The following FAM193A variants were observed in gnomAD, a reference collection of about 807,000 sequenced individuals.
FAM193A encodes the protein protein FAM193A.
FAM193A carries 22 observed loss-of-function variants against 126.5 expected under a neutral mutation model. The ratio of observed to expected loss-of-function variants is 0.17; its 90% confidence interval spans 0.12 to 0.25. The LOEUF is 0.25. Among genes scored for constraint, FAM193A ranks in the 10% least tolerant of loss-of-function variants. FAM193A has a pLI of 1.00. For missense variants in FAM193A, 1,675 were observed against 1,672.8 expected (o/e 1.00, Z -0.02); for synonymous variants, 761 against 646.8 (o/e 1.18, Z -2.68).
At chr4:2,695,475 C>T (rs1223016090) in intron 17 of FAM193A, among the ~76,000 whole-genome samples, 1 of 152,196 alleles carries the variant, frequency 6.6e-6, no homozygotes, top group East Asian at 1.9e-4. Context: ...TGTTTGAATA[C>T]AGAGGGCGTT....
chr4:2,721,303 A>C, intron 20 of FAM193A, among the ~76,000 whole-genome samples: 2 of 118,772 alleles, frequency 1.7e-5, no homozygotes, highest in Non-Finnish European at 1.7e-5. Flanking sequence ...ACAGAGCAAG[A>C]CTCCGTCTCA....
At chr4:2,601,325 C>T (rs929414980) in intron 2 of FAM193A, among the ~76,000 whole-genome samples, 5 of 150,712 alleles carry the variant, frequency 3.3e-5, no homozygotes, top group Non-Finnish European at 5.9e-5. Context: ...CTCTGCCTCC[C>T]GGGTTCAAGC....
chr4:2,542,455 C>G (rs1225614009), intron 1 of FAM193A, among the ~76,000 whole-genome samples: 2 of 152,164 alleles, frequency 1.3e-5, no homozygotes, highest in Non-Finnish European at 2.9e-5. Flanking sequence ...ATATTTTAAG[C>G]TTTTAAAGCT....
chr4:2,578,538 G>A (rs1230404239), intron 1 of FAM193A, among the ~76,000 whole-genome samples: 1 of 151,934 alleles, frequency 6.6e-6, no homozygotes, highest in Admixed American at 6.6e-5. Context: ...TAAACAGTGA[G>A]TAGTTTTCAG....
intron 12 of FAM193A, among the ~76,000 whole-genome samples, chr4:2,666,964 T>G (rs1286440519): frequency 6.6e-6 from 1 of 152,246 alleles, no homozygotes; most frequent in Non-Finnish European, 1.5e-5. Flanking sequence ...TGAAATTGAT[T>G]ATTTCTTTCT....
chr4:2,629,053 C>T (rs1365019864), intron 4 of FAM193A, among the ~76,000 whole-genome samples: 3 of 151,918 alleles, frequency 2.0e-5, no homozygotes, highest in South Asian at 2.1e-4. Flanking sequence ...AGGGTTTCAC[C>T]GTGTTAGCCA....
At chr4:2,682,855 A>T (rs6836434) in intron 13 of FAM193A, among the ~76,000 whole-genome samples, 28,151 of 152,242 alleles carry the variant, frequency 0.18, 5,087 homozygotes, top group African/African-American at 0.47. Context: ...CAGTACAGTG[A>T]TGATGATTAC....
At chr4:2,598,773 C>T (rs953204042) in intron 2 of FAM193A, among the ~76,000 whole-genome samples, 1 of 152,216 alleles carries the variant, frequency 6.6e-6, no homozygotes, top group East Asian at 1.9e-4. Context: ...TTGGCCTCAG[C>T]TGGGCTGTCT....
intron 4 of FAM193A, among the ~76,000 whole-genome samples, chr4:2,630,222 T>C (rs780989231): frequency 1.3e-5 from 2 of 151,636 alleles, no homozygotes; most frequent in Non-Finnish European, 2.9e-5. Context: ...ATGAAAATGC[T>C]CATTGCATTT....
At chr4:2,728,896 C>CTTTT (rs34029424) in intron 20 of FAM193A, among the ~76,000 whole-genome samples, 1,104 of 97,068 alleles carry the variant, frequency 0.011, 190 homozygotes, top group African/African-American at 0.05. Flanking sequence ...ACCTCCAAAA[C>CTTTT]TTTTTTTTTT....
chr4:2,628,474 CAAAAT>C (rs1223576626), intron 4 of FAM193A, among the ~76,000 whole-genome samples: 2 of 151,756 alleles, frequency 1.3e-5, no homozygotes, highest in African/African-American at 4.8e-5. Flanking sequence ...TGTCTCTACA[CAAAAT>C]AAAAAAAATT....
At chr4:2,643,583 T>C (rs1212228509) in intron 6 of FAM193A, among the ~76,000 whole-genome samples, 1 of 152,214 alleles carries the variant, frequency 6.6e-6, no homozygotes, top group African/African-American at 2.4e-5. Flanking sequence ...CCCCTTCTTT[T>C]TTCCCCATAG....
At chr4:2,560,034 C>CT (rs1738515873) in intron 1 of FAM193A, among the ~76,000 whole-genome samples, 2 of 151,906 alleles carry the variant, frequency 1.3e-5, no homozygotes, top group Admixed American at 6.6e-5. Context: ...TCTTGGCTCA[C>CT]TGCAAGCTCT....
chr4:2,547,469 G>T (rs949603346), intron 1 of FAM193A, among the ~76,000 whole-genome samples: 2 of 152,112 alleles, frequency 1.3e-5, no homozygotes, highest in Admixed American at 1.3e-4. Flanking sequence ...CCAGGCTGGT[G>T]TCTATCTCCA....
intron 20 of FAM193A, among the ~76,000 whole-genome samples, chr4:2,730,412 C>A (rs932928016): frequency 1.3e-5 from 2 of 152,084 alleles, no homozygotes; most frequent in African/African-American, 4.8e-5. Flanking sequence ...TCTTGGAGGC[C>A]GGGCGCGGTG....
intron 15 of FAM193A, among the ~76,000 whole-genome samples, chr4:2,692,218 T>C (rs566172427): frequency 1.3e-5 from 2 of 152,226 alleles, no homozygotes; most frequent in South Asian, 2.1e-4. Flanking sequence ...ACAATCATGG[T>C]GGAAAGCACC....
chr4:2,703,721 T>G (rs1039747427), intron 19 of FAM193A, among the ~76,000 whole-genome samples: 10 of 149,658 alleles, frequency 6.7e-5, no homozygotes, highest in African/African-American at 2.2e-4. Context: ...CCCAACACTT[T>G]GGGAAGCTGA....
At chr4:2,725,578 G>C (rs754632338) in intron 20 of FAM193A, among the ~76,000 whole-genome samples, 5 of 151,070 alleles carry the variant, frequency 3.3e-5, no homozygotes, top group Admixed American at 6.6e-5. Flanking sequence ...ATAGACTCTA[G>C]ATAGAGTGTG....
chr4:2,541,770 G>C (rs1737248362), intron 1 of FAM193A, among the ~76,000 whole-genome samples: 1 of 151,960 alleles, frequency 6.6e-6, no homozygotes, highest in Non-Finnish European at 1.5e-5. Flanking sequence ...GTTGTGTGCT[G>C]CACCTTGACA....
Sources: gnomAD v4.1 joint callset for allele counts (sites outside exome capture counted in the v4.1 genomes callset) on GRCh38, gnomAD v4.1.1 for gene constraint, MANE v1.5 for transcripts, NCBI Gene and HGNC (gene_info 2026-07-23, HGNC 2026-07-21) for gene names.